DCC: variants seen among roughly 807,000 people sequenced by gnomAD.
DCC encodes DCC netrin 1 receptor.
Under a neutral mutation model 172.5 loss-of-function variants are expected in DCC, and 58 were observed. That is an observed-to-expected ratio of 0.34 (90% CI 0.27 to 0.42). DCC has a LOEUF of 0.42. Among genes scored for constraint, DCC ranks in the 10% least tolerant of loss-of-function variants. The pLI, the probability that DCC is intolerant of heterozygous loss-of-function variation, is 1.00. For synonymous variants in DCC, 709 were observed against 644.5 expected (o/e 1.10, Z -1.52); for missense variants, 1,740 against 1,791.0 (o/e 0.97, Z 0.51).
At chr18:53,385,038 TGTA>T (rs376159503) in intron 15 of DCC, among the ~76,000 whole-genome samples, 1 of 140,976 alleles carries the variant, frequency 7.1e-6, no homozygotes. Flanking sequence ...TTTTTTTTTT[TGTA>T]TTTTTAGTAG....
rs1043056913 is a variant in DCC at position 53,366,632 on chromosome 18, A to G, written c.2360-19411A>G. On this transcript the variant is annotated intron_variant, in intron 15 of 28. Coordinates refer to ENST00000442544, the MANE Select transcript of DCC (RefSeq NM_005215.4). ...TCTCCTCTTCTGGAAGAAATTTTCC[A>G]TGGATTGTCTCTTTTGATTTCCTCC... Among the ~76,000 whole-genome samples the G allele has an allele frequency of 1.1e-4, 16 of 152,316 alleles. No homozygotes were observed. The South Asian group carries it at 3.3e-3, about 32-fold the overall frequency.
intron 5 of DCC, among the ~76,000 whole-genome samples, chr18:52,969,100 C>T (rs1486027304): frequency 6.6e-6 from 1 of 152,110 alleles, no homozygotes; most frequent in Non-Finnish European, 1.5e-5. Context: ...TAGGGCTCTG[C>T]TCTTTGTTCA....
chr18:53,351,293 A>ATATATATATATATATATATATACACTG (rs1568074412), intron 15 of DCC, among the ~76,000 whole-genome samples: 1 of 7,572 alleles, frequency 1.3e-4, no homozygotes, highest in African/African-American at 3.8e-4. Context: ...TGAGTACAGT[A>ATATATATATATATATATATATACACTG]TATATATATA....
At chr18:52,913,164 T>C (rs751066379) in intron 3 of DCC, among the ~76,000 whole-genome samples, 2 of 152,026 alleles carry the variant, frequency 1.3e-5, no homozygotes, top group Non-Finnish European at 2.9e-5. Context: ...GACAATCCTA[T>C]TGTAGTGGAA....
intron 1 of DCC, among the ~76,000 whole-genome samples, chr18:52,665,615 A>G (rs1035192357): frequency 5.3e-5 from 8 of 152,170 alleles, no homozygotes; most frequent in Non-Finnish European, 7.3e-5. Context: ...CAATAGCTAC[A>G]TATTTTCAGT....
chr18:52,823,700 A>C (rs1649983906), intron 2 of DCC, among the ~76,000 whole-genome samples: 1 of 152,206 alleles, frequency 6.6e-6, no homozygotes, highest in African/African-American at 2.4e-5. Flanking sequence ...CATAGCTCTG[A>C]TTATACTTCA....
chr18:53,423,335 C>T (rs956425049), intron 21 of DCC, among the ~76,000 whole-genome samples: 2 of 152,144 alleles, frequency 1.3e-5, no homozygotes, highest in African/African-American at 4.8e-5. Context: ...CTAGATTCTG[C>T]CGCTTCAATT....
chr18:52,994,665 C>A (rs1360632060), intron 5 of DCC, among the ~76,000 whole-genome samples: 2 of 151,988 alleles, frequency 1.3e-5, no homozygotes, highest in African/African-American at 4.8e-5. Flanking sequence ...AATTAGCAAC[C>A]TTTTTTGACT....
intron 12 of DCC, among the ~76,000 whole-genome samples, chr18:53,228,445 C>T (rs1359959641): frequency 6.6e-6 from 1 of 152,020 alleles, no homozygotes; most frequent in Non-Finnish European, 1.5e-5. Context: ...TTTCTAAACA[C>T]TTCAGCTCCG....
At chr18:53,253,864 A>G (rs1308828037) in intron 12 of DCC, among the ~76,000 whole-genome samples, 1 of 152,080 alleles carries the variant, frequency 6.6e-6, no homozygotes, top group Non-Finnish European at 1.5e-5. Context: ...CCAGCCATGC[A>G]TGCTATTCTA....
intron 7 of DCC, among the ~76,000 whole-genome samples, chr18:53,105,374 G>C (rs16956139): frequency 6.6e-6 from 1 of 151,942 alleles, no homozygotes; most frequent in African/African-American, 2.4e-5. Flanking sequence ...TTTATTTCCC[G>C]AGCTTATCTG....
chr18:53,490,976 G>T (rs2045953747), intron 26 of DCC, among the ~76,000 whole-genome samples: 1 of 152,130 alleles, frequency 6.6e-6, no homozygotes, highest in African/African-American at 2.4e-5. Flanking sequence ...TTGAGGAAGG[G>T]CCCTCTCACT....
chr18:53,324,998 G>A (rs1053026835), intron 14 of DCC, among the ~76,000 whole-genome samples: 29 of 151,862 alleles, frequency 1.9e-4, no homozygotes, highest in African/African-American at 4.8e-4. Flanking sequence ...TTCAAGACCA[G>A]CCTGGCCAAC....
At chr18:52,991,541 C>CCCT (rs2041392241) in intron 5 of DCC, among the ~76,000 whole-genome samples, 1 of 152,126 alleles carries the variant, frequency 6.6e-6, no homozygotes, top group Non-Finnish European at 1.5e-5. Context: ...TGAACTTCTG[C>CCCT]CCTTTCCTCT....
intron 5 of DCC, among the ~76,000 whole-genome samples, chr18:52,941,710 A>T (rs966064108): frequency 1.3e-5 from 2 of 151,594 alleles, no homozygotes; most frequent in Non-Finnish European, 2.9e-5. Context: ...CACCAAAGAG[A>T]CTACTATTAA....
chr18:52,561,384 TAC>T (rs142872037), intron 1 of DCC, among the ~76,000 whole-genome samples: 5,583 of 151,330 alleles, frequency 0.037, 171 homozygotes, highest in East Asian at 0.1. Context: ...TTTACCTGCA[TAC>T]ACACACACAC....
chr18:53,403,015 C>T (rs1909415887), intron 19 of DCC, 122 bp downstream of exon 19: 1 of 759,160 alleles, frequency 1.3e-6, no homozygotes, highest in Non-Finnish European at 2.4e-6. Flanking sequence ...CAGCTGACTC[C>T]ATGACCCTTT....
intron 7 of DCC, among the ~76,000 whole-genome samples, chr18:53,147,925 G>A (rs2043939840): frequency 6.6e-6 from 1 of 152,130 alleles, no homozygotes; most frequent in African/African-American, 2.4e-5. Context: ...GGTAAAAAGA[G>A]CTCTTAAAAT....
intron 5 of DCC, among the ~76,000 whole-genome samples, chr18:52,967,982 T>C (rs1382533216): frequency 5.9e-5 from 9 of 152,326 alleles, no homozygotes; most frequent in South Asian, 4.1e-4. Flanking sequence ...CTTTGTTCAA[T>C]GGTCATCAGA....
Sources: allele counts gnomAD v4.1 joint callset (sites outside exome capture counted in the v4.1 genomes callset), GRCh38; gene constraint gnomAD v4.1.1; transcripts MANE v1.5; gene names NCBI Gene and HGNC (gene_info 2026-07-23, HGNC 2026-07-21).